The following CTNNA2 variants were observed in gnomAD, a reference collection of about 807,000 sequenced individuals.
CTNNA2 encodes the protein catenin alpha-2.
In CTNNA2, 42 loss-of-function variants were observed where a neutral mutation model predicts 101.0. The ratio of observed to expected loss-of-function variants is 0.42; its 90% confidence interval spans 0.32 to 0.54. CTNNA2 has a LOEUF of 0.54. CTNNA2 is among the 20% of genes least tolerant of loss of function. The pLI is 0.14. For missense variants in CTNNA2, 871 were observed against 1,223.1 expected (o/e 0.71, Z 4.29); for synonymous variants, 450 against 456.4 (o/e 0.99, Z 0.18).
intron 1 of CTNNA2, chr2:79,514,739 A>G (rs888716208): frequency 1.3e-4 from 20 of 152,154 alleles, no homozygotes; most frequent in Non-Finnish European, 2.8e-4. Flanking sequence ...ATTTTGTTCT[A>G]TTTATATTCT....
intron 4 of CTNNA2, among the ~76,000 whole-genome samples, chr2:79,422,895 A>G (rs977359611): frequency 2.6e-5 from 4 of 152,218 alleles, no homozygotes; most frequent in African/African-American, 9.6e-5. Flanking sequence ...TTAATTTTTT[A>G]TGAGGAGGGA....
intron 3 of CTNNA2, among the ~76,000 whole-genome samples, chr2:79,835,679 T>TGTTTTTTTTTTTGTTTG (rs1172730527): frequency 1.4e-5 from 1 of 70,770 alleles, no homozygotes; most frequent in African/African-American, 5.9e-5. Context: ...TTTTTTTTTT[T>TGTTTTTTTTTTTGTTTG]TTTTTTTTTT....
At chr2:79,619,769 C>G (rs17017350) in intron 1 of CTNNA2, among the ~76,000 whole-genome samples, 4 of 152,052 alleles carry the variant, frequency 2.6e-5, no homozygotes, top group African/African-American at 9.7e-5. Context: ...AAAGTAGATG[C>G]ATCTCATATG....
intron 7 of CTNNA2, among the ~76,000 whole-genome samples, chr2:80,186,711 C>T (rs1706153489): frequency 6.6e-6 from 1 of 152,164 alleles, no homozygotes; most frequent in East Asian, 1.9e-4. Context: ...GCCAAGCCCA[C>T]TTCTTTATAG....
In CTNNA2 at chr2:79,911,076, G is replaced by A. The variant is rs563827440; in HGVS notation, c.1056+1279G>A. On this transcript the variant is annotated intron_variant, in intron 7 of 18. Transcript: ENST00000402739. ...GTGGCACCCAGCTGCTTATGAGGAC[G>A]TCTCTATAGGACCCTGGATGACCAA... is the stretch of plus-strand genomic sequence containing the variant. 1.5e-3 allele frequency among the ~76,000 whole-genome samples: 234 copies of A among 152,304 alleles called. 2 individuals are homozygous for A. Among genetic ancestry groups the A allele is most frequent in the African/African-American group, 4.8e-3 (200 of 41,572 alleles).
intron 2 of CTNNA2, among the ~76,000 whole-genome samples, chr2:79,244,282 G>A (rs535036120): frequency 1.2e-4 from 19 of 152,230 alleles, no homozygotes; most frequent in Admixed American, 2.0e-4. Flanking sequence ...GTCTCTCTCC[G>A]TCTCATTGCT....
chr2:80,544,296 G>T (rs1210056223), intron 9 of CTNNA2, among the ~76,000 whole-genome samples: 1 of 151,800 alleles, frequency 6.6e-6, no homozygotes, highest in Non-Finnish European at 1.5e-5. Flanking sequence ...CAGGAACCAA[G>T]GAGGGGGAAA....
intron 2 of CTNNA2, among the ~76,000 whole-genome samples, chr2:79,218,463 G>T (rs1009803848): frequency 2.0e-5 from 3 of 151,974 alleles, no homozygotes; most frequent in Non-Finnish European, 4.4e-5. Flanking sequence ...GATTATAGGC[G>T]TGAGCCACTG....
intron 9 of CTNNA2, among the ~76,000 whole-genome samples, chr2:80,510,579 G>T (rs1161433879): frequency 5.9e-5 from 9 of 152,180 alleles, no homozygotes; most frequent in Admixed American, 5.9e-4. Context: ...TCTCTCAAGA[G>T]AATGTATTGG....
chr2:79,485,344 G>A (rs1671147310), intron 4 of CTNNA2, among the ~76,000 whole-genome samples: 1 of 152,112 alleles, frequency 6.6e-6, no homozygotes, highest in Non-Finnish European at 1.5e-5. Flanking sequence ...AAGAAATCAG[G>A]AGCTTTTGAA....
chr2:80,527,159 T>G (rs1573140627), intron 9 of CTNNA2, among the ~76,000 whole-genome samples: 1 of 152,290 alleles, frequency 6.6e-6, no homozygotes, highest in South Asian at 2.1e-4. Context: ...TAATTAAAAG[T>G]GTCAGAAAAA....
intron 16 of CTNNA2, among the ~76,000 whole-genome samples, chr2:80,607,471 T>G (rs190573223): frequency 3.3e-5 from 5 of 152,004 alleles, no homozygotes; most frequent in Non-Finnish European, 7.4e-5. Flanking sequence ...TCGGTCATAA[T>G]GAAAATCCAA....
chr2:80,475,947 T>C (rs932756638), intron 9 of CTNNA2, among the ~76,000 whole-genome samples: 1 of 152,186 alleles, frequency 6.6e-6, no homozygotes, highest in Non-Finnish European at 1.5e-5. Context: ...TGGGGTCATG[T>C]TCCTATCGAC....
At chr2:80,309,725 C>T (rs955053382) in intron 7 of CTNNA2, among the ~76,000 whole-genome samples, 3 of 140,502 alleles carry the variant, frequency 2.1e-5, no homozygotes, top group African/African-American at 5.3e-5. Flanking sequence ...GACGGAGTCT[C>T]GCACGGTCAC....
chr2:79,520,412 G>T (rs954228453), intron 1 of CTNNA2, among the ~76,000 whole-genome samples: 5 of 152,106 alleles, frequency 3.3e-5, no homozygotes, highest in African/African-American at 1.2e-4. Flanking sequence ...ACTTCTAGAA[G>T]AAAATATAGG....
In CTNNA2 at chr2:80,418,524, G is replaced by A. The variant is rs550058479; in HGVS notation, c.1138-925G>A. The stretch of plus-strand genomic sequence containing the variant: ...AGTTATACATACTTTCATTGCATAC[G>A]TTATAGTAATTCGTGCAAAAAGGAA... On this transcript the variant is annotated intron_variant, in intron 8 of 18. Coordinates refer to ENST00000402739, the MANE Select transcript of CTNNA2 (RefSeq NM_001282597.3). 1.9e-4 allele frequency among the ~76,000 whole-genome samples: 29 copies of A among 152,204 alleles called. 1 individual carries two copies. Among genetic ancestry groups the A allele is most frequent in the Non-Finnish European group, 3.4e-4 (23 of 68,008 alleles).
chr2:79,687,656 G>A (rs1684025857), intron 2 of CTNNA2: 1 of 631,802 alleles, frequency 1.6e-6, no homozygotes, highest in Non-Finnish European at 2.9e-6. Flanking sequence ...GTTGAATTGG[G>A]TAACTCTTTT....
chr2:80,629,706 A>C (rs149193670), intron 18 of CTNNA2, among the ~76,000 whole-genome samples: 1 of 152,090 alleles, frequency 6.6e-6, no homozygotes, highest in South Asian at 2.1e-4. Context: ...AGCTTGTTGT[A>C]GTTATCCACT....
intron 6 of CTNNA2, among the ~76,000 whole-genome samples, chr2:79,874,618 C>T (rs1682862794): frequency 1.3e-5 from 2 of 152,190 alleles, no homozygotes; most frequent in Admixed American, 1.3e-4. Context: ...GTCATGAGTT[C>T]GAACATGGAG....
Sources: gnomAD v4.1 joint callset for allele counts (sites outside exome capture counted in the v4.1 genomes callset) on GRCh38, gnomAD v4.1.1 for gene constraint, MANE v1.5 for transcripts, NCBI Gene and HGNC (gene_info 2026-07-23, HGNC 2026-07-21) for gene names.